Variants in CAPN13 observed in about 807,000 individuals in gnomAD.
CAPN13 encodes the protein calpain-13.
A neutral mutation model predicts 98.4 loss-of-function variants in CAPN13; 90 were observed. The observed-to-expected ratio is 0.92, with a 90% confidence interval of 0.77 to 1.09. The LOEUF is 1.09. Ranked by LOEUF, CAPN13 falls within the 50% of genes least tolerant of loss-of-function variation. The pLI is 0.00. For synonymous variants in CAPN13, 330 were observed against 305.5 expected (o/e 1.08, Z -0.84); for missense variants, 887 against 841.3 (o/e 1.05, Z -0.67).
intron 5 of CAPN13, among the ~76,000 whole-genome samples, chr2:30,767,212 C>T (rs1338745474): frequency 6.6e-6 from 1 of 152,176 alleles, no homozygotes; most frequent in African/African-American, 2.4e-5. Context: ...GGGTTTGAGG[C>T]TCACAGACGT....
intron 19 of CAPN13, 85 bp downstream of exon 19, chr2:30,734,364 G>A: frequency 4.8e-6 from 5 of 1,032,776 alleles, no homozygotes; most frequent in Admixed American, 1.9e-5. Flanking sequence ...GCCTGGCACT[G>A]TTGTGCCAGC....
At chr2:30,753,329 A>T (rs980507994) in intron 9 of CAPN13, 131 bp from the exon 10 acceptor site, 14 of 907,016 alleles carry the variant, frequency 1.5e-5, no homozygotes, top group Non-Finnish European at 2.2e-5. Context: ...TTCACCATCA[A>T]GCACCCTTCT....
chr2:30,738,006 CCCCAGT>C, intron 17 of CAPN13: 1 of 539,180 alleles, frequency 1.9e-6, no homozygotes. Flanking sequence ...CACACACACA[CCCCAGT>C]ACACTGATCA....
chr2:30,789,306 G>C lies in CAPN13; in HGVS notation c.-32-1949C>G, dbSNP rs545997083. ...TGCATGCTCGGGGACAGTGGAACCAGTATAGCATTGCCAAGCCTCCTACCT... is the reference window on the plus strand; with the variant it reads ...TGCATGCTCGGGGACAGTGGAACCACTATAGCATTGCCAAGCCTCCTACCT... On this transcript the variant is annotated intron_variant, in intron 1 of 22. Transcript: ENST00000295055. 5.3e-4 allele frequency among the ~76,000 whole-genome samples: 81 copies of C among 152,292 alleles called. 1 individual carries two copies. The highest frequency in any genetic ancestry group is 3.5e-3 in the South Asian group (17 of 4,808).
At position 30,786,848 on chromosome 2, in the gene CAPN13, T is replaced by C. The variant is rs185289123; in HGVS notation, c.198+280A>G. Among the ~76,000 whole-genome samples the C allele has an allele frequency of 2.6e-5, 4 of 152,314 alleles. No homozygotes were observed. The East Asian group carries it at 5.8e-4, about 22-fold the overall frequency. On this transcript the variant is annotated intron_variant, in intron 2 of 22. Coordinates refer to ENST00000295055, the MANE Select transcript of CAPN13 (RefSeq NM_144575.3). ...CAAAGAGCAACAACTACAATCTTCA[T>C]ACCCGTGGTTTCCCATTTTTTGGAT...
intron 15 of CAPN13, among the ~76,000 whole-genome samples, chr2:30,739,211 T>C (rs2147962442): frequency 6.6e-6 from 1 of 152,258 alleles, no homozygotes. Context: ...CTGTTCCTCA[T>C]GTCCAGCCTG....
chr2:30,732,703 T>A, intron 19 of CAPN13, 137 bp from the exon 20 acceptor site: 1 of 1,170,382 alleles, frequency 8.5e-7, no homozygotes, highest in South Asian at 1.5e-5. Context: ...CTCCCTTCAG[T>A]GTCTTCTCTT....
chr2:30,800,107 AAAAGAAAGAAAAGAAAGAAAG>A (rs2148110725), intron 1 of CAPN13, among the ~76,000 whole-genome samples: 2 of 120,110 alleles, frequency 1.7e-5, no homozygotes, highest in African/African-American at 6.9e-5. Flanking sequence ...AGAAAGAAAG[AAAAGAAAGAAAAGAAAGAAAG>A]AAAGAAAGAA....
chr2:30,786,040 TC>T, intron 2 of CAPN13, among the ~76,000 whole-genome samples: 4 of 150,540 alleles, frequency 2.7e-5, no homozygotes, highest in African/African-American at 9.9e-5. Flanking sequence ...AAGAGGTGTG[TC>T]GCCTCCCAGA....
At chr2:30,731,460 G>A in intron 20 of CAPN13, 61 bp from the exon 21 acceptor site, 1 of 1,481,424 alleles carries the variant, frequency 6.8e-7, no homozygotes, top group Non-Finnish European at 9.3e-7. Context: ...GCAGTTCAGG[G>A]GAGGCAGGCC....
At chr2:30,772,974 C>T (rs1039632766) in intron 4 of CAPN13, among the ~76,000 whole-genome samples, 5 of 152,182 alleles carry the variant, frequency 3.3e-5, no homozygotes, top group East Asian at 1.9e-4. Flanking sequence ...TACAGGCATG[C>T]GCCACCACGC....
At chr2:30,755,137 C>A (rs1466270151) in intron 8 of CAPN13, among the ~76,000 whole-genome samples, 1 of 151,650 alleles carries the variant, frequency 6.6e-6, no homozygotes, top group Non-Finnish European at 1.5e-5. Context: ...CCCCCCAAGC[C>A]CAACTTTCAC....
At chr2:30,797,361 A>C (rs1256786506) in intron 1 of CAPN13, among the ~76,000 whole-genome samples, 4 of 152,216 alleles carry the variant, frequency 2.6e-5, no homozygotes, top group African/African-American at 9.7e-5. Flanking sequence ...AAGAGGCAGC[A>C]TGGAACAGTG....
chr2:30,732,609 T>G, intron 19 of CAPN13, 43 bp from the exon 20 acceptor site: 3 of 1,580,994 alleles, frequency 1.9e-6, no homozygotes, highest in Non-Finnish European at 2.6e-6. Context: ...AGGCTAGGGC[T>G]CGGGGGTTCC....
intron 7 of CAPN13, among the ~76,000 whole-genome samples, chr2:30,762,847 C>A (rs1428690213): frequency 6.6e-6 from 1 of 152,216 alleles, no homozygotes; most frequent in Non-Finnish European, 1.5e-5. Context: ...AGATCAGCAA[C>A]AGGACAGCAA....
intron 4 of CAPN13, among the ~76,000 whole-genome samples, chr2:30,775,446 T>C (rs961192663): frequency 2.6e-5 from 4 of 152,172 alleles, no homozygotes; most frequent in Non-Finnish European, 4.4e-5. Context: ...TGCTGCTGCA[T>C]TGTGTATCAC....
chr2:30,789,014 G>C (rs911701976), intron 1 of CAPN13, among the ~76,000 whole-genome samples: 1 of 152,128 alleles, frequency 6.6e-6, no homozygotes. Context: ...AATACAAACA[G>C]CTCTGTTTAG....
Position 30,802,019 on chromosome 2 carries a change from G to C in CAPN13, c.-33+5283C>G, listed in dbSNP as rs72867198. ...CTGCGTCTAGCCACAACACAGCGGAGAAAGGACAGTAGAGCCGGCTGATGG... is the reference window on the plus strand; with the variant it reads ...CTGCGTCTAGCCACAACACAGCGGACAAAGGACAGTAGAGCCGGCTGATGG... On this transcript the variant is annotated intron_variant, in intron 1 of 22. Transcript: ENST00000295055. Among the ~76,000 whole-genome samples the C allele has an allele frequency of 6.1e-3, 924 of 152,322 alleles. 3 individuals carry two copies. The highest frequency in any genetic ancestry group is 0.021 in the African/African-American group (875 of 41,572).
At chr2:30,777,470 G>T (rs1032091545) in intron 3 of CAPN13, 97 bp downstream of exon 3, 1 of 1,072,140 alleles carries the variant, frequency 9.3e-7, no homozygotes, top group Non-Finnish European at 1.4e-6. Flanking sequence ...AAGGGAACTG[G>T]CCTTTCTCCC....
Sources: gnomAD v4.1 joint callset for allele counts (sites outside exome capture counted in the v4.1 genomes callset) on GRCh38, gnomAD v4.1.1 for gene constraint, MANE v1.5 for transcripts, NCBI Gene and HGNC (gene_info 2026-07-23, HGNC 2026-07-21) for gene names.